Variants in NMNAT1 observed in about 807,000 individuals in gnomAD.
NMNAT1 encodes the protein nicotinamide nucleotide adenylyltransferase 1, also known as nicotinamide/nicotinic acid mononucleotide adenylyltransferase 1.
A neutral mutation model predicts 16.7 loss-of-function variants in NMNAT1; 11 were observed. That is an observed-to-expected ratio of 0.66 (90% CI 0.41 to 1.09). NMNAT1 has a LOEUF of 1.09. NMNAT1 is among the 50% of genes least tolerant of loss of function. The pLI, the probability that NMNAT1 is intolerant of heterozygous loss-of-function variation, is 0.00. For missense variants in NMNAT1, 280 were observed against 332.3 expected (o/e 0.84, Z 1.22); for synonymous variants, 110 against 119.8 (o/e 0.92, Z 0.53).
At chr1:9,971,022 G>C (rs922074733) in intron 1 of NMNAT1, among the ~76,000 whole-genome samples, 5 of 152,102 alleles carry the variant, frequency 3.3e-5, no homozygotes, top group African/African-American at 1.2e-4. Context: ...AGGTTTGGTT[G>C]ATCTCACTTG....
Position 9,984,317 on chromosome 1 carries a change from G to C in NMNAT1, c.*1616G>C, listed in dbSNP as rs1167689241. On this transcript the variant is annotated 3_prime_UTR_variant, in exon 5 of 5. Transcript: ENST00000377205. ...CCACCTCGGCCTTCCAAAGTGCTGG[G>C]ATTACAGGCATGAGCCACTGCACCC... is the stretch of plus-strand genomic sequence containing the variant. The C allele has an allele frequency of 1.3e-5, 2 of 152,296 alleles. No homozygotes were observed. The highest frequency in any genetic ancestry group is 4.8e-5 in the African/African-American group (2 of 41,438). 9.4% of individuals were successfully genotyped at this position (152,296 alleles called of 1,614,324 possible). A position where few individuals can be genotyped will look rare whatever the true frequency, so the allele number is the denominator to read the frequency against.
chr1:9,989,904 C>T (rs970793608), downstream of NMNAT1, among the ~76,000 whole-genome samples: 8 of 152,168 alleles, frequency 5.3e-5, no homozygotes, highest in Non-Finnish European at 8.8e-5. Context: ...GATGCTGCTG[C>T]GGGGCCCACA....
rs139689029 is a variant in NMNAT1 at position 9,984,868 on chromosome 1, G to T, written c.*2167G>T. The T allele has an allele frequency of 1.7e-4, 26 of 152,268 alleles. No individual in the cohort carries two copies. The highest frequency in any genetic ancestry group is 6.3e-4 in the African/African-American group (26 of 41,560). The allele number at this position is 152,268 out of a possible 1,614,324, so 9.4% of individuals were successfully genotyped here. A position where few individuals can be genotyped will look rare whatever the true frequency, so the allele number is the denominator to read the frequency against. Reference sequence around the variant, plus strand: ...GAAGTGGCTTTTCCTTGGTGATGAAGGGGTAGAGATTGAGCCATGGGGATG... The same window carrying T: ...GAAGTGGCTTTTCCTTGGTGATGAATGGGTAGAGATTGAGCCATGGGGATG... On this transcript the variant is annotated 3_prime_UTR_variant, in exon 5 of 5. Transcript: ENST00000377205.
chr1:9,970,142 G>T lies in NMNAT1; in HGVS notation c.-56-1876G>T, dbSNP rs1641654657. Among the ~76,000 whole-genome samples the T allele has an allele frequency of 2.0e-5, 3 of 152,232 alleles. No homozygotes were observed. In the South Asian group the frequency reaches 6.2e-4, roughly 32 times the overall value. ...AACTATATTGGGCAGTTTGGGAGAAGGTAGTCAAAGGGTATGAGGGCTAAT... is the reference window on the plus strand; with the variant it reads ...AACTATATTGGGCAGTTTGGGAGAATGTAGTCAAAGGGTATGAGGGCTAAT... On this transcript the variant is annotated intron_variant, in intron 1 of 4. Coordinates refer to ENST00000377205, the MANE Select transcript of NMNAT1 (RefSeq NM_022787.4).
intron 1 of NMNAT1, among the ~76,000 whole-genome samples, chr1:9,962,688 T>TG (rs941814076): frequency 7.5e-6 from 1 of 132,578 alleles, no homozygotes; most frequent in Non-Finnish European, 1.6e-5. Flanking sequence ...TTTTTTTTTT[T>TG]TTTTTTTTTT....
chr1:9,943,771 G>A (rs1640886728), intron 1 of NMNAT1, among the ~76,000 whole-genome samples: 1 of 152,190 alleles, frequency 6.6e-6, no homozygotes, highest in Non-Finnish European at 1.5e-5. Flanking sequence ...AGAGTCTTGA[G>A]GTCTGGCACC....
At chr1:9,972,371 C>A (rs1641709159) in intron 2 of NMNAT1, 183 bp downstream of exon 2, 2 of 475,132 alleles carry the variant, frequency 4.2e-6, no homozygotes, top group Non-Finnish European at 7.6e-6. Flanking sequence ...TTCACTGTGC[C>A]TGTAGTCCTA....
rs113666794 is a variant in NMNAT1, at chr1:9,944,026, A to G, written c.-57+511A>G. ...TCCCAGCACTTTGGGAGGCCGAGGC[A>G]GGCGGATCACGAGGTCAGGAGTTCG... On this transcript the variant is annotated intron_variant, in intron 1 of 4. Coordinates refer to ENST00000377205, the MANE Select transcript of NMNAT1 (RefSeq NM_022787.4). 7.6e-3 allele frequency among the ~76,000 whole-genome samples: 1,149 copies of G among 151,888 alleles called. 15 individuals carry two copies. The highest frequency in any genetic ancestry group is 0.027 in the African/African-American group (1,107 of 41,424).
intron 1 of NMNAT1, among the ~76,000 whole-genome samples, chr1:9,965,517 C>T (rs141727853): frequency 0.026 from 3,907 of 151,682 alleles, 72 homozygotes; most frequent in Non-Finnish European, 0.039. Context: ...GATTCTCCTG[C>T]CTCAGCCTCC....
intron 1 of NMNAT1, among the ~76,000 whole-genome samples, chr1:9,965,205 TGCTC>T (rs914288952): frequency 7.0e-4 from 103 of 147,542 alleles, no homozygotes; most frequent in Non-Finnish European, 1.3e-3. Flanking sequence ...TAGTCCCAGA[TGCTC>T]AGGAGGCTGA....
intron 1 of NMNAT1, among the ~76,000 whole-genome samples, chr1:9,953,295 T>G (rs1641163703): frequency 6.8e-6 from 1 of 147,178 alleles, no homozygotes; most frequent in Non-Finnish European, 1.5e-5. Flanking sequence ...TTTTTTTTTT[T>G]GAGACGGAGT....
At chr1:9,965,735 G>C (rs1468105214) in intron 1 of NMNAT1, among the ~76,000 whole-genome samples, 2 of 152,072 alleles carry the variant, frequency 1.3e-5, no homozygotes, top group Admixed American at 1.3e-4. Flanking sequence ...AAGCACAGTA[G>C]CTCATGCCTG....
At chr1:9,969,178 G>A (rs561666440) in intron 1 of NMNAT1, among the ~76,000 whole-genome samples, 1 of 152,144 alleles carries the variant, frequency 6.6e-6, no homozygotes, top group East Asian at 1.9e-4. Context: ...AACAGTTATG[G>A]CCCCTGTGCA....
intron 1 of NMNAT1, among the ~76,000 whole-genome samples, chr1:9,951,727 A>G (rs916696619): frequency 1.3e-5 from 2 of 152,184 alleles, no homozygotes; most frequent in African/African-American, 4.8e-5. Flanking sequence ...TGCCTGCCTC[A>G]GCCTTCCAAA....
downstream of NMNAT1, among the ~76,000 whole-genome samples, chr1:9,986,160 CAATAA>C (rs1383118607): frequency 6.6e-6 from 1 of 152,096 alleles, no homozygotes; most frequent in African/African-American, 2.4e-5. Flanking sequence ...TTAAGCCGCC[CAATAA>C]ATTTTTCCAA....
intron 1 of NMNAT1, among the ~76,000 whole-genome samples, chr1:9,969,171 A>G (rs1173377233): frequency 2.6e-5 from 4 of 152,100 alleles, no homozygotes; most frequent in South Asian, 4.1e-4. Context: ...GTTACTGAAC[A>G]GTTATGGCCC....
chr1:9,987,792 C>T (rs1177861555), downstream of NMNAT1, among the ~76,000 whole-genome samples: 1 of 152,084 alleles, frequency 6.6e-6, no homozygotes, highest in East Asian at 1.9e-4. Flanking sequence ...TACCCCACTG[C>T]ACTCCAGCCT....
At chr1:9,986,582 TAAAC>T (rs1642048283), downstream of NMNAT1, among the ~76,000 whole-genome samples, 2 of 151,760 alleles carry the variant, frequency 1.3e-5, no homozygotes, top group South Asian at 2.1e-4. Flanking sequence ...AACAAACAAA[TAAAC>T]AAAAAACATG....
chr1:9,993,089 G>C, the NMNAT1 span, among the ~76,000 whole-genome samples: 4 of 152,248 alleles, frequency 2.6e-5, no homozygotes, highest in East Asian at 7.7e-4. Context: ...AGTTGGGGGA[G>C]ACAGGATGTA....
Sources: gnomAD v4.1 joint callset for allele counts (sites outside exome capture counted in the v4.1 genomes callset) on GRCh38, gnomAD v4.1.1 for gene constraint, MANE v1.5 for transcripts, NCBI Gene and HGNC (gene_info 2026-07-23, HGNC 2026-07-21) for gene names.